The following ENOX1 variants were observed in gnomAD, a reference collection of about 807,000 sequenced individuals.
The protein encoded by ENOX1 is candidate growth-related and time keeping constitutive hydroquinone (NADH) oxidase.
Under a neutral mutation model 82.5 loss-of-function variants are expected in ENOX1, and 42 were observed. That is an observed-to-expected ratio of 0.51 (90% confidence interval 0.40 to 0.66). The LOEUF is 0.66. Ranked by LOEUF, ENOX1 falls within the 30% of genes least tolerant of loss-of-function variation. The pLI is 0.00. For synonymous variants in ENOX1, 271 were observed against 282.2 expected (o/e 0.96, Z 0.40); for missense variants, 608 against 811.6 (o/e 0.75, Z 3.05).
At chr13:43,783,918 T>C (rs1191571150) in intron 1 of ENOX1, among the ~76,000 whole-genome samples, 1 of 152,214 alleles carries the variant, frequency 6.6e-6, no homozygotes, top group Non-Finnish European at 1.5e-5. Context: ...TTTGGAGGGT[T>C]GCAATGCCTG....
chr13:43,435,756 T>G (rs2055985662), intron 3 of ENOX1, among the ~76,000 whole-genome samples: 1 of 152,130 alleles, frequency 6.6e-6, no homozygotes, highest in Non-Finnish European at 1.5e-5. Flanking sequence ...TCATAAAAAA[T>G]TATGTCTCCA....
chr13:43,283,077 G>A (rs1000820779), intron 12 of ENOX1, among the ~76,000 whole-genome samples: 2 of 138,190 alleles, frequency 1.4e-5, no homozygotes, highest in East Asian at 2.2e-4. Context: ...AGCGAGACTC[G>A]GTCTCAAGAA....
At chr13:43,756,741 G>C (rs936995704) in intron 1 of ENOX1, among the ~76,000 whole-genome samples, 18 of 152,072 alleles carry the variant, frequency 1.2e-4, no homozygotes, top group African/African-American at 4.1e-4. Context: ...AATTGGACAG[G>C]CAGGAACAAG....
At chr13:43,617,287 G>A (rs2082524487) in intron 2 of ENOX1, among the ~76,000 whole-genome samples, 1 of 152,096 alleles carries the variant, frequency 6.6e-6, no homozygotes, top group South Asian at 2.1e-4. Flanking sequence ...CCTTATGCAC[G>A]CTCCCTCTTG....
intron 2 of ENOX1, among the ~76,000 whole-genome samples, chr13:43,529,010 A>C (rs2078097052): frequency 1.3e-5 from 2 of 151,984 alleles, no homozygotes; most frequent in South Asian, 4.1e-4. Flanking sequence ...ACAGAAGCTA[A>C]TATACGTTAA....
intron 12 of ENOX1, among the ~76,000 whole-genome samples, chr13:43,280,351 C>T (rs1470879543): frequency 1.3e-5 from 2 of 152,192 alleles, no homozygotes; most frequent in Non-Finnish European, 2.9e-5. Context: ...CTTTTGCAAG[C>T]GATCTGGGCC....
chr13:43,367,785 G>A (rs1420816146), intron 5 of ENOX1, among the ~76,000 whole-genome samples: 1 of 152,102 alleles, frequency 6.6e-6, no homozygotes, highest in Non-Finnish European at 1.5e-5. Context: ...AGGAATCCTG[G>A]AGGGGGTGAC....
intron 2 of ENOX1, among the ~76,000 whole-genome samples, chr13:43,662,320 G>A (rs931384092): frequency 1.1e-4 from 17 of 152,120 alleles, no homozygotes; most frequent in Admixed American, 2.0e-4. Context: ...ATCTGCAACT[G>A]AGAAGTCTTA....
chr13:43,763,896 AAG>A lies in ENOX1; in HGVS notation c.-285+22754_-285+22755del, dbSNP rs568362141. 2.4e-4 allele frequency among the ~76,000 whole-genome samples: 36 copies of A among 152,324 alleles called. No individual in the cohort carries two copies. In the South Asian group the frequency reaches 6.6e-3, roughly 28 times the overall value. The stretch of plus-strand genomic sequence containing the variant: ...ATAAAATGTGAACACTATCTAGAAA[AAG>A]AGTTACATGTATTATCACAGATATA... On this transcript the variant is annotated intron_variant, in intron 1 of 16. Coordinates refer to ENST00000690772, the MANE Select transcript of ENOX1 (RefSeq NM_001347969.2).
intron 1 of ENOX1, among the ~76,000 whole-genome samples, chr13:43,752,204 T>G (rs1950361468): frequency 6.6e-6 from 1 of 152,226 alleles, no homozygotes; most frequent in South Asian, 2.1e-4. Flanking sequence ...ATCTGTTCAA[T>G]TCATTTCCCC....
chr13:43,647,084 C>T (rs2083928817), intron 2 of ENOX1, among the ~76,000 whole-genome samples: 1 of 152,144 alleles, frequency 6.6e-6, no homozygotes, highest in Non-Finnish European at 1.5e-5. Context: ...TCTTTGGCTA[C>T]TCTCTAATGG....
intron 2 of ENOX1, among the ~76,000 whole-genome samples, chr13:43,526,216 G>A (rs1042201801): frequency 1.3e-5 from 2 of 152,128 alleles, no homozygotes; most frequent in Non-Finnish European, 2.9e-5. Context: ...GCCTGATTAT[G>A]AGTAAAATGT....
At chr13:43,639,872 T>C (rs907318034) in intron 2 of ENOX1, among the ~76,000 whole-genome samples, 10 of 152,036 alleles carry the variant, frequency 6.6e-5, no homozygotes, top group Admixed American at 2.6e-4. Context: ...CTACTAAAAA[T>C]ATGAACATTA....
intron 1 of ENOX1, among the ~76,000 whole-genome samples, chr13:43,687,421 G>A (rs1042638825): frequency 1.2e-4 from 18 of 152,102 alleles, no homozygotes; most frequent in Admixed American, 4.6e-4. Context: ...AATGAGTGTC[G>A]TATGTGTGGT....
chr13:43,512,051 G>T (rs944801228), intron 2 of ENOX1, among the ~76,000 whole-genome samples: 2 of 151,928 alleles, frequency 1.3e-5, no homozygotes, highest in African/African-American at 4.8e-5. Flanking sequence ...CATAATCTAC[G>T]AATACTGTAT....
At chr13:43,366,896 GTAAA>G in intron 5 of ENOX1, among the ~76,000 whole-genome samples, 1 of 152,232 alleles carries the variant, frequency 6.6e-6, no homozygotes, top group Non-Finnish European at 1.5e-5. Flanking sequence ...CCAGCACATG[GTAAA>G]TACTCAATAA....
intron 2 of ENOX1, among the ~76,000 whole-genome samples, chr13:43,635,948 G>C (rs1343847736): frequency 6.6e-6 from 1 of 152,118 alleles, no homozygotes; most frequent in East Asian, 1.9e-4. Flanking sequence ...TCAATCAATG[G>C]GGAAGAAGCA....
chr13:43,641,735 G>A (rs932669193), intron 2 of ENOX1, among the ~76,000 whole-genome samples: 13 of 151,544 alleles, frequency 8.6e-5, no homozygotes, highest in Admixed American at 2.6e-4. Flanking sequence ...GGGTTTCACC[G>A]TGTTAGCCAG....
chr13:43,479,307 C>A (rs2058417400), intron 3 of ENOX1, among the ~76,000 whole-genome samples: 1 of 144,092 alleles, frequency 6.9e-6, no homozygotes, highest in African/African-American at 2.5e-5. Context: ...AACTATGGTG[C>A]TTGGTGAAAA....
Sources: allele counts gnomAD v4.1 joint callset (sites outside exome capture counted in the v4.1 genomes callset), GRCh38; gene constraint gnomAD v4.1.1; transcripts MANE v1.5; gene names NCBI Gene and HGNC (gene_info 2026-07-23, HGNC 2026-07-21).